The following AP3S1 variants were observed in gnomAD, a reference collection of about 807,000 sequenced individuals.
The protein encoded by AP3S1 is AP-3 complex subunit sigma-1.
In AP3S1, 12 loss-of-function variants were observed where a neutral mutation model predicts 21.3. The ratio of observed to expected loss-of-function variants is 0.56; its 90% CI spans 0.36 to 0.91. AP3S1 has a LOEUF of 0.91. AP3S1 is among the 40% of genes least tolerant of loss of function. The pLI is 0.01. For missense variants in AP3S1, 116 were observed against 225.0 expected, an observed-to-expected ratio of 0.52 and a Z score of 3.10; for synonymous variants, 48 against 78.4, an observed-to-expected ratio of 0.61 and a Z score of 2.05.
intron 4 of AP3S1, among the ~76,000 whole-genome samples, chr5:115,901,687 T>C (rs1751227884): frequency 6.6e-6 from 1 of 152,058 alleles, no homozygotes; most frequent in Non-Finnish European, 1.5e-5. Flanking sequence ...CCCGAGTAGC[T>C]GGAAGTACAG....
At chr5:115,908,677 G>A (rs10055640) in intron 5 of AP3S1, among the ~76,000 whole-genome samples, 40,431 of 151,852 alleles carry the variant, frequency 0.27, 5,972 homozygotes, top group African/African-American at 0.39. Context: ...AAATTTTTGA[G>A]CACTCTAATT....
intron 1 of AP3S1, among the ~76,000 whole-genome samples, chr5:115,861,871 T>C (rs1167222944): frequency 1.4e-5 from 2 of 145,942 alleles, no homozygotes; most frequent in Non-Finnish European, 3.0e-5. Context: ...TTTTCTTTTT[T>C]TTTTTTTTTT....
At chr5:115,878,994 C>T (rs762726820) in intron 3 of AP3S1, among the ~76,000 whole-genome samples, 9 of 151,890 alleles carry the variant, frequency 5.9e-5, no homozygotes, top group African/African-American at 9.7e-5. Flanking sequence ...TTTGGCTCTC[C>T]GTTTGTCTAT....
intron 1 of AP3S1, among the ~76,000 whole-genome samples, chr5:115,850,906 G>C (rs1470408290): frequency 6.6e-6 from 1 of 152,102 alleles, no homozygotes; most frequent in African/African-American, 2.4e-5. Flanking sequence ...AAATAAAGGG[G>C]ACATGGAGTG....
intron 2 of AP3S1, among the ~76,000 whole-genome samples, chr5:115,867,449 C>T (rs1747787432): frequency 6.6e-6 from 1 of 152,048 alleles, no homozygotes; most frequent in Non-Finnish European, 1.5e-5. Context: ...TAATAACTTC[C>T]ATGAAAATGG....
At chr5:115,875,441 A>G (rs1018934622) in intron 3 of AP3S1, among the ~76,000 whole-genome samples, 2 of 152,200 alleles carry the variant, frequency 1.3e-5, no homozygotes, top group African/African-American at 4.8e-5. Flanking sequence ...TAGGCCTGAA[A>G]GCACACTTGG....
At chr5:115,877,899 G>A (rs1454877370) in intron 3 of AP3S1, among the ~76,000 whole-genome samples, 3 of 152,108 alleles carry the variant, frequency 2.0e-5, no homozygotes, top group Admixed American at 2.0e-4. Context: ...CATTCTAACT[G>A]AATGAGATGG....
At chr5:115,865,583 G>C (rs1404907199) in intron 1 of AP3S1, among the ~76,000 whole-genome samples, 2 of 152,062 alleles carry the variant, frequency 1.3e-5, no homozygotes, top group Non-Finnish European at 2.9e-5. Context: ...AGTTTCTTTG[G>C]CTCTACATCG....
At chr5:115,870,200 C>T in intron 3 of AP3S1, 72 bp downstream of exon 3, 1 of 892,882 alleles carries the variant, frequency 1.1e-6, no homozygotes, top group Non-Finnish European at 1.7e-6. Context: ...CTTATATATT[C>T]TAAATTTTCT....
intron 4 of AP3S1, among the ~76,000 whole-genome samples, chr5:115,896,832 G>A (rs764125583): frequency 1.3e-5 from 2 of 152,112 alleles, no homozygotes; most frequent in South Asian, 2.1e-4. Flanking sequence ...TTAGAAAGCT[G>A]TGTTTTAAAA....
At chr5:115,856,370 A>G (rs1762799219) in intron 1 of AP3S1, among the ~76,000 whole-genome samples, 1 of 150,920 alleles carries the variant, frequency 6.6e-6, no homozygotes. Flanking sequence ...GTACAGTGTG[A>G]TGTTTTGATC....
At chr5:115,866,410 T>C (rs940405956) in intron 1 of AP3S1, among the ~76,000 whole-genome samples, 1 of 152,216 alleles carries the variant, frequency 6.6e-6, no homozygotes, top group Non-Finnish European at 1.5e-5. Flanking sequence ...TCATCTAATA[T>C]TTTTTCTTGT....
intron 4 of AP3S1, among the ~76,000 whole-genome samples, chr5:115,896,902 T>C (rs936494142): frequency 1.3e-5 from 2 of 152,216 alleles, no homozygotes; most frequent in Non-Finnish European, 2.9e-5. Flanking sequence ...TTAAGAAAAT[T>C]GAGGACTCTC....
chr5:115,876,590 A>G (rs1008011520), intron 3 of AP3S1, among the ~76,000 whole-genome samples: 9 of 152,140 alleles, frequency 5.9e-5, no homozygotes, highest in African/African-American at 9.7e-5. Flanking sequence ...CTTGTTTACA[A>G]TTTGCCACTT....
At chr5:115,875,028 G>A (rs1248744804) in intron 3 of AP3S1, among the ~76,000 whole-genome samples, 1 of 152,144 alleles carries the variant, frequency 6.6e-6, no homozygotes, top group African/African-American at 2.4e-5. Context: ...TGAAACCCAT[G>A]ACTAAATGAT....
intron 1 of AP3S1, among the ~76,000 whole-genome samples, chr5:115,854,863 G>T (rs1762684454): frequency 6.6e-6 from 1 of 151,930 alleles, no homozygotes; most frequent in Non-Finnish European, 1.5e-5. Flanking sequence ...CTTTGAAGAT[G>T]ACAGTCTTGC....
chr5:115,881,013 T>C (rs548182272), intron 3 of AP3S1, among the ~76,000 whole-genome samples: 13 of 152,200 alleles, frequency 8.5e-5, no homozygotes, highest in East Asian at 1.9e-4. Context: ...GAGACAAGGA[T>C]TGCAACCCCT....
chr5:115,879,104 C>T (rs759284791), intron 3 of AP3S1, among the ~76,000 whole-genome samples: 1 of 152,162 alleles, frequency 6.6e-6, no homozygotes, highest in East Asian at 1.9e-4. Context: ...TGGGCTGAGA[C>T]TATGGAGTTT....
At chr5:115,875,525 C>T (rs1748634807) in intron 3 of AP3S1, among the ~76,000 whole-genome samples, 2 of 152,112 alleles carry the variant, frequency 1.3e-5, no homozygotes. Context: ...TTAAAATTGC[C>T]TAGGAAAACC....
Sources: gnomAD v4.1 joint callset for allele counts (sites outside exome capture counted in the v4.1 genomes callset) on GRCh38, gnomAD v4.1.1 for gene constraint, MANE v1.5 for transcripts, NCBI Gene and HGNC (gene_info 2026-07-23, HGNC 2026-07-21) for gene names.